CRADD: variants seen among roughly 807,000 people sequenced by gnomAD.
The protein encoded by CRADD is CARD and death domain containing adaptor protein.
In CRADD, 9 loss-of-function variants were observed where a neutral mutation model predicts 15.5. That is an observed-to-expected ratio of 0.58 (90% CI 0.35 to 1.01). The LOEUF (loss-of-function observed/expected upper bound fraction) is 1.01, where lower values mean the gene tolerates loss of function less well. Among genes scored for constraint, CRADD ranks in the 50% least tolerant of loss-of-function variants. The probability of loss-of-function intolerance (pLI) is 0.02; values close to 1 mark genes in which losing one functional copy is unlikely to be tolerated. For missense variants in CRADD, 227 were observed against 250.3 expected (o/e 0.91, Z 0.63); for synonymous variants, 118 against 107.6 (o/e 1.10, Z -0.60).
intron 2 of CRADD, among the ~76,000 whole-genome samples, chr12:93,820,372 T>A (rs1326447623): frequency 6.6e-6 from 1 of 151,610 alleles, no homozygotes; most frequent in East Asian, 1.9e-4. Flanking sequence ...AAACCCCATC[T>A]CTACTAAAAA....
At chr12:93,746,233 G>A (rs750123385) in intron 2 of CRADD, among the ~76,000 whole-genome samples, 48 of 152,124 alleles carry the variant, frequency 3.2e-4, no homozygotes, top group Non-Finnish European at 5.9e-4. Flanking sequence ...TTGAAGTGGG[G>A]GCATTTGATG....
At chr12:93,844,291 T>C (rs573456349) in intron 2 of CRADD, among the ~76,000 whole-genome samples, 3 of 152,210 alleles carry the variant, frequency 2.0e-5, no homozygotes, top group Admixed American at 1.3e-4. Flanking sequence ...TCCTTGAGAG[T>C]TGACATCCTT....
At chr12:93,872,594 A>T (rs1011880185) in intron 2 of CRADD, among the ~76,000 whole-genome samples, 10 of 152,130 alleles carry the variant, frequency 6.6e-5, no homozygotes, top group Non-Finnish European at 1.5e-4. Flanking sequence ...CTGGTGAGAG[A>T]TAGGGGTCTA....
intron 2 of CRADD, among the ~76,000 whole-genome samples, chr12:93,705,136 C>T (rs892008075): frequency 2.0e-5 from 3 of 152,236 alleles, no homozygotes; most frequent in Non-Finnish European, 4.4e-5. Flanking sequence ...AGAAGTAGGG[C>T]AGCTTTAACT....
At chr12:93,685,107 T>G (rs894392941) in intron 2 of CRADD, among the ~76,000 whole-genome samples, 3 of 152,238 alleles carry the variant, frequency 2.0e-5, no homozygotes, top group African/African-American at 7.2e-5. Flanking sequence ...TCCTCATGCT[T>G]AAAGCCTTCT....
At chr12:93,806,057 A>G (rs955634093) in intron 2 of CRADD, among the ~76,000 whole-genome samples, 1 of 152,098 alleles carries the variant, frequency 6.6e-6, no homozygotes, top group Admixed American at 6.6e-5. Flanking sequence ...AGGTATTTCA[A>G]TATGTTTCTT....
intron 2 of CRADD, among the ~76,000 whole-genome samples, chr12:93,769,509 T>C (rs920311133): frequency 3.3e-5 from 5 of 152,230 alleles, no homozygotes; most frequent in African/African-American, 1.2e-4. Flanking sequence ...TGTTCATTTG[T>C]TTATATGCCT....
At chr12:93,731,746 A>T (rs1179607375) in intron 2 of CRADD, among the ~76,000 whole-genome samples, 1 of 152,242 alleles carries the variant, frequency 6.6e-6, no homozygotes, top group Non-Finnish European at 1.5e-5. Flanking sequence ...CTACCTGAGG[A>T]TTCTTCTGGT....
At chr12:93,847,183 A>G (rs1005232639) in intron 2 of CRADD, among the ~76,000 whole-genome samples, 1 of 152,206 alleles carries the variant, frequency 6.6e-6, no homozygotes, top group Admixed American at 6.5e-5. Flanking sequence ...AAGTTTCAGT[A>G]TTTAGACCTC....
At chr12:93,797,181 C>A (rs1219146833) in intron 2 of CRADD, among the ~76,000 whole-genome samples, 1 of 152,016 alleles carries the variant, frequency 6.6e-6, no homozygotes, top group Non-Finnish European at 1.5e-5. Flanking sequence ...TTTGTGTAAG[C>A]CAAGGGCAAG....
At chr12:93,757,541 G>A (rs746355529) in intron 2 of CRADD, among the ~76,000 whole-genome samples, 1 of 152,296 alleles carries the variant, frequency 6.6e-6, no homozygotes, top group East Asian at 1.9e-4. Flanking sequence ...GGAAAATTGG[G>A]CTCATCAGAC....
intron 2 of CRADD, among the ~76,000 whole-genome samples, chr12:93,786,273 C>G (rs1377339489): frequency 6.6e-6 from 1 of 152,222 alleles, no homozygotes; most frequent in African/African-American, 2.4e-5. Flanking sequence ...TGGATTCTAA[C>G]AGACCTAAAT....
At chr12:93,770,386 C>A (rs1014620307) in intron 2 of CRADD, among the ~76,000 whole-genome samples, 1 of 152,124 alleles carries the variant, frequency 6.6e-6, no homozygotes, top group Non-Finnish European at 1.5e-5. Context: ...CGTGAGCCAC[C>A]GCGCCCGGCC....
intron 2 of CRADD, 55 bp from the exon 3 acceptor site, chr12:93,849,914 CA>C (rs1387102577): frequency 8.9e-6 from 9 of 1,016,846 alleles, no homozygotes; most frequent in Middle Eastern, 4.1e-4. Context: ...TTTCTGCCCC[CA>C]AATGATGTGT....
At chr12:93,726,383 C>A (rs541056601) in intron 2 of CRADD, among the ~76,000 whole-genome samples, 34 of 152,256 alleles carry the variant, frequency 2.2e-4, no homozygotes, top group African/African-American at 7.2e-4. Context: ...GGATTATAGG[C>A]ATAAGCCCCA....
At chr12:93,788,626 G>A (rs921712978) in intron 2 of CRADD, among the ~76,000 whole-genome samples, 2 of 152,180 alleles carry the variant, frequency 1.3e-5, no homozygotes, top group African/African-American at 2.4e-5. Context: ...AAGGGAGGGT[G>A]TGAGGTAGTT....
chr12:93,853,781 G>T (rs2137053521), downstream of CRADD, among the ~76,000 whole-genome samples: 1 of 152,302 alleles, frequency 6.6e-6, no homozygotes. Context: ...TGATCCAAAT[G>T]TGATGGCACG....
intron 2 of CRADD, among the ~76,000 whole-genome samples, chr12:93,873,802 A>T (rs1469680210): frequency 1.3e-5 from 2 of 152,076 alleles, no homozygotes; most frequent in East Asian, 3.8e-4. Flanking sequence ...GTATTGTTGA[A>T]TTCGATTTGT....
Position 93,766,383 on chromosome 12 carries a change from T to G in CRADD, c.299-83587T>G, listed in dbSNP as rs115062211. Among the ~76,000 whole-genome samples the G allele has an allele frequency of 6.0e-3, 914 of 152,340 alleles. 11 individuals are homozygous for G. The highest frequency in any genetic ancestry group is 0.021 in the African/African-American group (876 of 41,576). On this transcript the variant is annotated intron_variant, in intron 2 of 2. Coordinates refer to ENST00000332896, the MANE Select transcript of CRADD (RefSeq NM_003805.5). ...GTGCAGTCCTTTAGTGATGAGAATG[T>G]AATAATGGAATACTTAAAGTAATTA... is the stretch of plus-strand genomic sequence containing the variant.
Sources: gnomAD v4.1 joint callset for allele counts (sites outside exome capture counted in the v4.1 genomes callset) on GRCh38, gnomAD v4.1.1 for gene constraint, MANE v1.5 for transcripts, NCBI Gene and HGNC (gene_info 2026-07-23, HGNC 2026-07-21) for gene names.